KCNN2: variants seen among roughly 807,000 people sequenced by gnomAD.
The protein encoded by KCNN2 is potassium calcium-activated channel subfamily N member 2.
A neutral mutation model predicts 55.5 loss-of-function variants in KCNN2; 24 were observed. That is an observed-to-expected ratio of 0.43 (90% CI 0.31 to 0.61). KCNN2 has a LOEUF of 0.61. Among genes scored for constraint, KCNN2 ranks in the 20% least tolerant of loss-of-function variants. The pLI is 0.08. For missense variants in KCNN2, 754 were observed against 853.6 expected, an observed-to-expected ratio of 0.88 and a Z score of 1.45; for synonymous variants, 431 against 336.1, an observed-to-expected ratio of 1.28 and a Z score of -3.09.
intron 2 of KCNN2, among the ~76,000 whole-genome samples, chr5:114,273,405 G>A (rs1351400736): frequency 6.6e-6 from 1 of 152,084 alleles, no homozygotes; most frequent in Non-Finnish European, 1.5e-5. Flanking sequence ...TGGGTCAAAT[G>A]GTAATTCTAG....
chr5:114,189,084 CAT>C (rs1224794528), intron 1 of KCNN2, among the ~76,000 whole-genome samples: 2 of 151,810 alleles, frequency 1.3e-5, no homozygotes, highest in Non-Finnish European at 2.9e-5. Context: ...ATTAGAAAAA[CAT>C]ATACTAATAA....
chr5:114,203,742 T>G (rs1475351111), intron 1 of KCNN2, among the ~76,000 whole-genome samples: 1 of 152,196 alleles, frequency 6.6e-6, no homozygotes, highest in East Asian at 1.9e-4. Flanking sequence ...ATAAGAACAG[T>G]GGAGGAAGAG....
At chr5:114,209,286 T>G (rs2112580254) in intron 1 of KCNN2, among the ~76,000 whole-genome samples, 1 of 152,166 alleles carries the variant, frequency 6.6e-6, no homozygotes, top group Non-Finnish European at 1.5e-5. Context: ...TTAGATTTGC[T>G]TCTTCCTCAT....
chr5:114,252,309 A>G (rs974765975), intron 2 of KCNN2, among the ~76,000 whole-genome samples: 1 of 152,240 alleles, frequency 6.6e-6, no homozygotes, highest in Non-Finnish European at 1.5e-5. Context: ...GTAAAGTAAT[A>G]GAATACAGAG....
chr5:114,188,596 A>C (rs1753385844), intron 1 of KCNN2, among the ~76,000 whole-genome samples: 1 of 152,210 alleles, frequency 6.6e-6, no homozygotes, highest in Non-Finnish European at 1.5e-5. Context: ...TAAATTGTTA[A>C]GACTAATAAA....
intron 2 of KCNN2, among the ~76,000 whole-genome samples, chr5:114,235,055 GT>G (rs1754464557): frequency 1.3e-5 from 2 of 152,102 alleles, no homozygotes; most frequent in Admixed American, 1.3e-4. Context: ...TGAAAGTTTT[GT>G]TTTCTCATCT....
At chr5:114,162,076 C>G (rs1752798372) in intron 1 of KCNN2, among the ~76,000 whole-genome samples, 1 of 152,172 alleles carries the variant, frequency 6.6e-6, no homozygotes, top group Non-Finnish European at 1.5e-5. Flanking sequence ...AGGAGGGGTG[C>G]TCTGATTTTT....
chr5:114,202,779 G>A (rs1427289312), intron 1 of KCNN2, among the ~76,000 whole-genome samples: 1 of 151,472 alleles, frequency 6.6e-6, no homozygotes, highest in Non-Finnish European at 1.5e-5. Context: ...GTAGAGATGG[G>A]GTTTCACCGT....
chr5:114,423,333 C>T (rs191847662), intron 3 of KCNN2, among the ~76,000 whole-genome samples: 1 of 152,058 alleles, frequency 6.6e-6, no homozygotes, highest in South Asian at 2.1e-4. Flanking sequence ...TCCTACTCAC[C>T]CCCACAGCCC....
At chr5:114,320,892 T>C (rs1171389945) in intron 2 of KCNN2, among the ~76,000 whole-genome samples, 1 of 152,158 alleles carries the variant, frequency 6.6e-6, no homozygotes, top group Non-Finnish European at 1.5e-5. Context: ...ATCATTGAAA[T>C]GTTAGCTTTT....
chr5:114,473,821 A>G (rs758454800), intron 5 of KCNN2, among the ~76,000 whole-genome samples: 53 of 152,276 alleles, frequency 3.5e-4, no homozygotes, highest in South Asian at 8.3e-4. Flanking sequence ...GGGAAGTGCT[A>G]TTATTCTGGC....
At chr5:114,081,371 T>C (rs1177811307) in intron 1 of KCNN2, among the ~76,000 whole-genome samples, 1 of 152,130 alleles carries the variant, frequency 6.6e-6, no homozygotes, top group Non-Finnish European at 1.5e-5. Flanking sequence ...AAGACTCATA[T>C]TTTCTCATTT....
chr5:114,290,582 A>G (rs909311892), intron 2 of KCNN2, among the ~76,000 whole-genome samples: 1 of 151,642 alleles, frequency 6.6e-6, no homozygotes, highest in Admixed American at 6.6e-5. Context: ...TCTTGTCACT[A>G]TTCTCTAATT....
At chr5:114,244,466 G>A (rs867191388) in intron 2 of KCNN2, among the ~76,000 whole-genome samples, 2 of 151,924 alleles carry the variant, frequency 1.3e-5, no homozygotes, top group African/African-American at 4.8e-5. Context: ...GCGTGGTGGC[G>A]GGCACCTGTG....
chr5:114,368,993 A>T (rs1757686295), intron 2 of KCNN2, among the ~76,000 whole-genome samples: 1 of 152,136 alleles, frequency 6.6e-6, no homozygotes, highest in Non-Finnish European at 1.5e-5. Context: ...TACAAGTAAT[A>T]TTAAAATGAA....
At chr5:114,481,564 C>T (rs911017606) in intron 5 of KCNN2, among the ~76,000 whole-genome samples, 8 of 151,930 alleles carry the variant, frequency 5.3e-5, no homozygotes, top group African/African-American at 1.2e-4. Context: ...TACATGGAAC[C>T]AAAAAAGAGT....
intron 1 of KCNN2, among the ~76,000 whole-genome samples, chr5:114,179,117 G>A (rs1753189527): frequency 6.6e-6 from 1 of 152,158 alleles, no homozygotes; most frequent in Non-Finnish European, 1.5e-5. Context: ...TTAAAAACAA[G>A]TATTTATTTA....
At chr5:114,291,808 C>A (rs1348067810) in intron 2 of KCNN2, among the ~76,000 whole-genome samples, 1 of 152,208 alleles carries the variant, frequency 6.6e-6, no homozygotes, top group Non-Finnish European at 1.5e-5. Context: ...GTCCCACCAA[C>A]AGTGTAAAAG....
At position 114,362,624 on chromosome 5, in the gene KCNN2, G is replaced by A. The variant is rs1561586662; in HGVS notation, c.485G>A (p.Ser162Asn). 4 of 1,077,942 alleles carry A rather than the reference G, an allele frequency of 3.7e-6. No homozygotes were observed. The highest frequency in any genetic ancestry group is 2.8e-5 in the East Asian group (1 of 36,300). The allele number at this position is 1,077,942 out of a possible 1,614,324, so 66.8% of individuals were successfully genotyped here. A position where few individuals can be genotyped will look rare whatever the true frequency, so the allele number is the denominator to read the frequency against. ...GCCTCCCAGTACCACCAGTGCCACA[G>A]CCTGCAGCCCGCCGCCAGCCCCACG... ...ASASQYHQCH[S>N]LQPAASPTGS... Residue 162 changes from serine to asparagine, a missense_variant, in exon 1 of 8, where the codon AGC becomes AAC. Around this residue, in one of 4 missense-constraint regions of KCNN2, gnomAD observed 381 missense variants for 259.1 expected, o/e 1.47. Coordinates refer to ENST00000673685, the MANE Select transcript of KCNN2 (RefSeq NM_021614.4).
Sources: allele counts gnomAD v4.1 joint callset (sites outside exome capture counted in the v4.1 genomes callset), GRCh38; gene constraint gnomAD v4.1.1; regional missense constraint gnomAD v4.1.1; transcripts MANE v1.5; gene names NCBI Gene and HGNC (gene_info 2026-07-23, HGNC 2026-07-21).